The following ADGRB3 variants were observed in gnomAD, a reference collection of about 807,000 sequenced individuals.
ADGRB3 encodes the protein brain-specific angiogenesis inhibitor 3.
ADGRB3 carries 37 observed loss-of-function variants against 193.4 expected under a neutral mutation model. The ratio of observed to expected loss-of-function variants is 0.19; its 90% CI spans 0.15 to 0.25. The LOEUF (loss-of-function observed/expected upper bound fraction) is 0.25. Among genes scored for constraint, ADGRB3 ranks in the 10% least tolerant of loss-of-function variants. The pLI is 1.00. For synonymous variants in ADGRB3, 690 were observed against 644.2 expected (o/e 1.07, Z -1.08); for missense variants, 1,637 against 1,852.9 (o/e 0.88, Z 2.14).
At chr6:69,008,821 AG>A (rs1014449165) in intron 11 of ADGRB3, among the ~76,000 whole-genome samples, 6 of 152,144 alleles carry the variant, frequency 3.9e-5, no homozygotes, top group Admixed American at 3.9e-4. Flanking sequence ...GATGATGTTG[AG>A]TCTTCAAATG....
At chr6:69,121,512 C>T (rs529969288) in intron 17 of ADGRB3, among the ~76,000 whole-genome samples, 21 of 152,278 alleles carry the variant, frequency 1.4e-4, no homozygotes, top group Admixed American at 7.8e-4. Flanking sequence ...TCTCGATGGT[C>T]GCTGTCTCTT....
chr6:68,925,256 A>T (rs1767148776), intron 3 of ADGRB3, among the ~76,000 whole-genome samples: 1 of 151,938 alleles, frequency 6.6e-6, no homozygotes, highest in Non-Finnish European at 1.5e-5. Flanking sequence ...AAGATACCAA[A>T]ATCCTGACAA....
At chr6:69,014,304 T>A (rs1012616877) in intron 12 of ADGRB3, among the ~76,000 whole-genome samples, 198 bp downstream of exon 12, 1 of 152,028 alleles carries the variant, frequency 6.6e-6, no homozygotes, top group Non-Finnish European at 1.5e-5. Flanking sequence ...GAAAAAAAGC[T>A]GTGCAAGTTT....
chr6:69,173,014 GGTTTTGGTTTTT>G (rs770503340), intron 17 of ADGRB3, among the ~76,000 whole-genome samples: 25,282 of 133,350 alleles, frequency 0.19, 2,315 homozygotes, highest in African/African-American at 0.24. Flanking sequence ...AGTTGTGTGG[GGTTTTGGTTTTT>G]GTTTTTGTTT....
At chr6:69,278,890 A>T (rs1767358231) in intron 20 of ADGRB3, among the ~76,000 whole-genome samples, 1 of 151,734 alleles carries the variant, frequency 6.6e-6, no homozygotes, top group African/African-American at 2.4e-5. Context: ...CATGATCACT[A>T]TATTTAAACT....
intron 17 of ADGRB3, among the ~76,000 whole-genome samples, chr6:69,224,761 T>C (rs1343881488): frequency 6.6e-6 from 1 of 152,192 alleles, no homozygotes; most frequent in Non-Finnish European, 1.5e-5. Context: ...TCAAATTGTC[T>C]GTTTTTTAAA....
chr6:68,663,260 TC>T (rs1433596416), intron 3 of ADGRB3, among the ~76,000 whole-genome samples: 1 of 151,594 alleles, frequency 6.6e-6, no homozygotes, highest in Admixed American at 6.6e-5. Flanking sequence ...AGTACTCTGC[TC>T]CATTAGACCC....
intron 11 of ADGRB3, among the ~76,000 whole-genome samples, chr6:69,003,285 T>G (rs1464629089): frequency 6.6e-6 from 1 of 152,186 alleles, no homozygotes; most frequent in Non-Finnish European, 1.5e-5. Context: ...GAAAGAAAGG[T>G]TGAATGTTTC....
intron 3 of ADGRB3, among the ~76,000 whole-genome samples, chr6:68,843,299 A>G (rs1455597195): frequency 3.9e-5 from 6 of 152,030 alleles, no homozygotes; most frequent in African/African-American, 7.2e-5. Context: ...ACCAAAAACT[A>G]TTAGAGATAA....
chr6:69,206,142 G>A (rs1344098581), intron 17 of ADGRB3, among the ~76,000 whole-genome samples: 1 of 148,692 alleles, frequency 6.7e-6, no homozygotes, highest in Non-Finnish European at 1.5e-5. Flanking sequence ...GCAGGCTGAG[G>A]AGCAAGGACA....
intron 20 of ADGRB3, among the ~76,000 whole-genome samples, chr6:69,269,965 C>T (rs1367461915): frequency 6.6e-6 from 1 of 152,094 alleles, no homozygotes; most frequent in South Asian, 2.1e-4. Context: ...AAAGCAATTT[C>T]ATTAATTAAG....
intron 17 of ADGRB3, among the ~76,000 whole-genome samples, chr6:69,102,222 TACAAA>T (rs1427886771): frequency 6.9e-6 from 1 of 145,090 alleles, no homozygotes; most frequent in African/African-American, 2.5e-5. Flanking sequence ...AACATATAAA[TACAAA>T]ATTTGCATAG....
chr6:69,025,117 TAATAA>T (rs1449751716), intron 13 of ADGRB3, among the ~76,000 whole-genome samples: 5 of 151,024 alleles, frequency 3.3e-5, no homozygotes. Flanking sequence ...AAATAAAAAA[TAATAA>T]AATAAAATAA....
At chr6:68,870,356 T>G (rs1194326887) in intron 3 of ADGRB3, among the ~76,000 whole-genome samples, 1 of 152,194 alleles carries the variant, frequency 6.6e-6, no homozygotes, top group Admixed American at 6.5e-5. Flanking sequence ...TTTTAATCAT[T>G]TGGAAATTTT....
chr6:68,840,999 T>A (rs544192127), intron 3 of ADGRB3, among the ~76,000 whole-genome samples: 1 of 152,098 alleles, frequency 6.6e-6, no homozygotes, highest in African/African-American at 2.4e-5. Flanking sequence ...ATTAAATGAG[T>A]CAAAGAAGAT....
intron 17 of ADGRB3, among the ~76,000 whole-genome samples, chr6:69,079,593 A>G (rs766787520): frequency 1.3e-5 from 2 of 152,100 alleles, no homozygotes; most frequent in Admixed American, 6.6e-5. Flanking sequence ...AGGCAAGGGA[A>G]AGAAATAAAG....
intron 17 of ADGRB3, among the ~76,000 whole-genome samples, chr6:69,125,920 T>C (rs940016785): frequency 6.6e-6 from 1 of 152,218 alleles, no homozygotes; most frequent in African/African-American, 2.4e-5. Context: ...CTTAAGAATA[T>C]GTTGTATGCC....
intron 3 of ADGRB3, among the ~76,000 whole-genome samples, chr6:68,791,875 A>C (rs1370514937): frequency 6.6e-6 from 1 of 152,180 alleles, no homozygotes; most frequent in East Asian, 1.9e-4. Context: ...GGTTGTAGGC[A>C]AATCTAAGTT....
chr6:69,025,304 T>G (rs564181451), intron 13 of ADGRB3, among the ~76,000 whole-genome samples: 2 of 152,204 alleles, frequency 1.3e-5, no homozygotes, highest in African/African-American at 4.8e-5. Flanking sequence ...ACTTGATAAT[T>G]TCATTGGTAG....
Sources: allele counts gnomAD v4.1 joint callset (sites outside exome capture counted in the v4.1 genomes callset), GRCh38; gene constraint gnomAD v4.1.1; transcripts MANE v1.5; gene names NCBI Gene and HGNC (gene_info 2026-07-23, HGNC 2026-07-21).